The following OR4P4 variants were observed in gnomAD, a reference collection of about 807,000 sequenced individuals.
OR4P4 encodes olfactory receptor 4P4.
Under a neutral mutation model 2.1 loss-of-function variants are expected in OR4P4, and 1 was observed. The observed-to-expected ratio is 0.47, with a 90% confidence interval of 0.17 to 2.21. The LOEUF (loss-of-function observed/expected upper bound fraction) is 2.21, where lower values mean the gene tolerates loss of function less well. Ranked by LOEUF, OR4P4 falls within the 30% of genes most tolerant of loss-of-function variation. The probability of loss-of-function intolerance (pLI) is 0.27; values close to 1 mark genes in which losing one functional copy is unlikely to be tolerated. For missense variants in OR4P4, 375 were observed against 376.5 expected (o/e 1.00, Z 0.03); for synonymous variants, 129 against 133.2 (o/e 0.97, Z 0.22).
At chr11:55,638,100 A>G (rs1333095846) in intron 1 of OR4P4, among the ~76,000 whole-genome samples, 1 of 137,336 alleles carries the variant, frequency 7.3e-6, no homozygotes, top group Non-Finnish European at 1.6e-5. Context: ...TAGAATTCAT[A>G]CCTACTAGGG....
At chr11:55,639,090 G>A (rs761405595) in exon 2 of OR4P4, 1 of 1,492,962 alleles carries the variant, frequency 6.7e-7, no homozygotes, top group East Asian at 2.6e-5. Context: ...TGTAATTGTT[G>A]TGGTCCTGTT....
At chr11:55,640,116 A>G (rs1291253285) in exon 2 of OR4P4, 1 of 135,338 alleles carries the variant, frequency 7.4e-6, no homozygotes, top group Non-Finnish European at 1.6e-5. Flanking sequence ...CCTGGGTGAC[A>G]GAACAAGATT....
At chr11:55,638,766 C>A in exon 2 of OR4P4, 1 of 1,492,144 alleles carries the variant, frequency 6.7e-7, no homozygotes, top group Non-Finnish European at 9.1e-7. Context: ...TATGAGCAGG[C>A]AAAAGTGTAA....
At chr11:55,638,624 C>T in exon 2 of OR4P4, 3 of 1,489,718 alleles carry the variant, frequency 2.0e-6, no homozygotes, top group Non-Finnish European at 1.8e-6. Context: ...AAAGAAAGAC[C>T]ATTTCCTATA....
At chr11:55,636,296 C>A (rs1257625694) in intron 1 of OR4P4, among the ~76,000 whole-genome samples, 1 of 137,862 alleles carries the variant, frequency 7.3e-6, no homozygotes. Flanking sequence ...AATATGTGAG[C>A]TGTACTTTTG....
chr11:55,637,267 A>G (rs1858399769), intron 1 of OR4P4, among the ~76,000 whole-genome samples: 1 of 138,432 alleles, frequency 7.2e-6, no homozygotes, highest in African/African-American at 2.5e-5. Context: ...TGGGGTTAAG[A>G]AGTGTATTTC....
At chr11:55,638,754 A>T in exon 2 of OR4P4, 1 of 1,492,742 alleles carries the variant, frequency 6.7e-7, no homozygotes, top group South Asian at 1.2e-5. Context: ...CTACACCATT[A>T]TTATGAGCAG....
At chr11:55,639,104 T>C in exon 2 of OR4P4, 1 of 1,493,836 alleles carries the variant, frequency 6.7e-7, no homozygotes, top group Non-Finnish European at 9.1e-7. Flanking sequence ...TCCTGTTTTT[T>C]GCACCTGCAT....
chr11:55,638,926 T>G (rs1858424525), exon 2 of OR4P4: 1 of 1,487,226 alleles, frequency 6.7e-7, no homozygotes, highest in South Asian at 1.2e-5. Flanking sequence ...TGTTCTAATA[T>G]ACACATGATA....
rs774822166 is a variant in OR4P4, at chr11:55,638,970, G to T, written c.613G>T (p.Ala205Ser). 1.3e-4 allele frequency: 191 copies of T among 1,487,034 alleles called. 47 individuals are homozygous for T. In the Admixed American group the frequency reaches 3.9e-3, roughly 30 times the overall value. 92.1% of individuals were successfully genotyped at this position (1,487,034 alleles called of 1,614,324 possible). Residue 205 changes from alanine (A) to serine (S), a missense_variant, in exon 2 of 2, where the codon GCT becomes TCT. Transcript: ENST00000641760. Reference sequence around the variant, plus strand: ...AGTCATTGCTAATTCAGGCTTAATTGCTTTGGTGACATTTGTTGTCTTGTT... The same window carrying T: ...AGTCATTGCTAATTCAGGCTTAATTTCTTTGGTGACATTTGTTGTCTTGTT...
exon 2 of OR4P4, chr11:55,639,177 A>G: frequency 1.3e-6 from 2 of 1,488,680 alleles, no homozygotes; most frequent in Non-Finnish European, 1.8e-6. Flanking sequence ...CCTTTTTTAT[A>G]CCATCATTGC....
Position 55,638,888 on chromosome 11 carries a change from T to C in OR4P4, c.531T>C (p.Cys177=), listed in dbSNP as rs1166405063. 5 of 1,494,064 alleles carry C rather than the reference T, an allele frequency of 3.3e-6. 1 individual carries two copies. Among genetic ancestry groups the C allele is most frequent in the East Asian group, 2.6e-5 (1 of 38,844 alleles). The allele number at this position is 1,494,064 out of a possible 1,614,324, so 92.6% of individuals were successfully genotyped here. A position where few individuals can be genotyped will look rare whatever the true frequency, so the allele number is the denominator to read the frequency against. The change falls in exon 2 of 2, where the codon TGT becomes TGC. Residue 177 remains cysteine, a synonymous_variant. Transcript: ENST00000641760. ...CAAATGAGATAGATCACTACTTCTG[T>C]GATGTGTATCCTTTGCTGAAATTGG... is the stretch of plus-strand genomic sequence containing the variant.
Position 55,637,494 on chromosome 11 carries a change from T to A in OR4P4, c.-30-834T>A, listed in dbSNP as rs1254050658. Reference sequence around the variant, plus strand: ...AGTGCCTTTAATCTAATTCTAGTTCTTGAAATTCCACTATGAAAATGAATG... The same window carrying A: ...AGTGCCTTTAATCTAATTCTAGTTCATGAAATTCCACTATGAAAATGAATG... On this transcript the variant is annotated intron_variant, in intron 1 of 1. Transcript: ENST00000641760. Among the ~76,000 whole-genome samples the A allele has an allele frequency of 1.5e-5, 2 of 137,916 alleles. 1 individual carries two copies. The highest frequency in any genetic ancestry group is 3.2e-5 in the Non-Finnish European group (2 of 61,898). The allele number at this position is 137,916 out of a possible 152,430, so 90.5% of individuals were successfully genotyped here.
chr11:55,635,415 T>A lies in OR4P4; in HGVS notation c.-31+199T>A, dbSNP rs369592410. ...TAGTTTTTGAAAACAAGGCAAGTACTCCTCTTGCCTTCAAACTTTTTTTTA... is the reference window on the plus strand; with the variant it reads ...TAGTTTTTGAAAACAAGGCAAGTACACCTCTTGCCTTCAAACTTTTTTTTA... On this transcript the variant is annotated intron_variant, in intron 1 of 1. Coordinates refer to ENST00000641760, the Ensembl canonical transcript of OR4P4. 2.9e-5 allele frequency among the ~76,000 whole-genome samples: 4 copies of A among 137,946 alleles called. 1 individual carries two copies. The highest frequency in any genetic ancestry group is 2.4e-4 in the Admixed American group (3 of 12,688). 90.5% of individuals were successfully genotyped at this position (137,946 alleles called of 152,430 possible).
exon 2 of OR4P4, chr11:55,638,886 T>G: frequency 6.7e-7 from 1 of 1,493,982 alleles, no homozygotes; most frequent in Non-Finnish European, 9.1e-7. Context: ...TCACTACTTC[T>G]GTGATGTGTA....
chr11:55,640,177 G>A (rs1299897959), exon 2 of OR4P4: 1 of 134,510 alleles, frequency 7.4e-6, no homozygotes, highest in African/African-American at 2.6e-5. Flanking sequence ...TAATAATAAT[G>A]TTTTTATCTT....
At chr11:55,639,349 C>A in exon 2 of OR4P4, 1 of 968,668 alleles carries the variant, frequency 1.0e-6, no homozygotes, top group South Asian at 1.7e-5. Context: ...AAAATTCACT[C>A]TCATCTTGCT....
At position 55,638,614 on chromosome 11, in the gene OR4P4, A is replaced by G; in HGVS notation, c.257A>G (p.Glu86Gly). The G allele has an allele frequency of 1.3e-6, 2 of 1,489,070 alleles. 1 individual carries two copies. The highest frequency in any genetic ancestry group is 1.8e-6 in the Non-Finnish European group (2 of 1,094,654). 92.2% of individuals were successfully genotyped at this position (1,489,070 alleles called of 1,614,324 possible). A position where few individuals can be genotyped will look rare whatever the true frequency, so the allele number is the denominator to read the frequency against. The change falls in exon 2 of 2, where the codon GAA (glutamate) becomes GGA (glycine). Residue 86 changes from glutamate (E) to glycine (G), a missense_variant. Coordinates refer to ENST00000641760, the Ensembl canonical transcript of OR4P4. ...AAATTAATGGTTGACTTACTGGCAGAAAGAAAGACCATTTCCTATAATAAC... is the reference window on the plus strand; with the variant it reads ...AAATTAATGGTTGACTTACTGGCAGGAAGAAAGACCATTTCCTATAATAAC...
rs1193734783 is a variant in OR4P4, at chr11:55,638,851, C to A, written c.494C>A (p.Pro165Gln). 1.3e-6 allele frequency: 2 copies of A among 1,493,056 alleles called. 1 individual carries two copies. The highest frequency in any genetic ancestry group is 2.4e-5 in the South Asian group (2 of 84,928). 92.5% of individuals were successfully genotyped at this position (1,493,056 alleles called of 1,614,324 possible). A position where few individuals can be genotyped will look rare whatever the true frequency, so the allele number is the denominator to read the frequency against. Reference sequence around the variant, plus strand: ...CAGTTTCTTCTCACCATCTTTGTACCATTTTGTGGCCCAAATGAGATAGAT... The same window carrying A: ...CAGTTTCTTCTCACCATCTTTGTACAATTTTGTGGCCCAAATGAGATAGAT... Residue 165 changes from proline (P) to glutamine (Q), a missense_variant, in exon 2 of 2, where the codon CCA (proline) becomes CAA (glutamine). Transcript: ENST00000641760.
Sources: allele counts gnomAD v4.1 joint callset (sites outside exome capture counted in the v4.1 genomes callset), GRCh38; gene constraint gnomAD v4.1.1; transcripts MANE v1.5; gene names NCBI Gene and HGNC (gene_info 2026-07-23, HGNC 2026-07-21).